Variants in HEMK2 observed in about 807,000 individuals in gnomAD.
HEMK2 encodes methyltransferase HEMK2.
chr21:28,775,179 C>T, the HEMK2 span, among the ~76,000 whole-genome samples: 1 of 152,116 alleles, frequency 6.6e-6, no homozygotes, highest in Non-Finnish European at 1.5e-5. Context: ...AAATCAAAGC[C>T]ATGATTTATG....
the HEMK2 span, among the ~76,000 whole-genome samples, chr21:28,793,608 G>C: frequency 6.6e-6 from 1 of 152,154 alleles, no homozygotes; most frequent in African/African-American, 2.4e-5. Context: ...TGAGGTGAGT[G>C]GTGGTCCCTG....
At chr21:28,598,515 C>T in the HEMK2 span, among the ~76,000 whole-genome samples, 1 of 152,192 alleles carries the variant, frequency 6.6e-6, no homozygotes, top group Non-Finnish European at 1.5e-5. Context: ...CCATGCAACT[C>T]CCCTGTGAAG....
chr21:28,868,128 T>C, the HEMK2 span, among the ~76,000 whole-genome samples: 220 of 152,326 alleles, frequency 1.4e-3, no homozygotes, highest in African/African-American at 5.1e-3. Context: ...TTATTTATCT[T>C]TGGGTCAATA....
the HEMK2 span, among the ~76,000 whole-genome samples, chr21:28,633,060 T>C: frequency 3.3e-5 from 5 of 152,196 alleles, no homozygotes; most frequent in African/African-American, 1.2e-4. Context: ...AGCTTTTCTC[T>C]AAAACCAGCC....
At chr21:28,778,197 T>C in the HEMK2 span, among the ~76,000 whole-genome samples, 11 of 152,232 alleles carry the variant, frequency 7.2e-5, 1 homozygote, top group East Asian at 1.3e-3. Context: ...CAAAATGTTA[T>C]ATAAGTGGGA....
chr21:28,673,000 GAGAAAGAA>G, the HEMK2 span, among the ~76,000 whole-genome samples: 6,972 of 145,474 alleles, frequency 0.048, 250 homozygotes, highest in South Asian at 0.12. Context: ...GAAAAAGAAA[GAGAAAGAA>G]AGAAAGAAAG....
chr21:28,613,910 A>G, the HEMK2 span, among the ~76,000 whole-genome samples: 1 of 146,766 alleles, frequency 6.8e-6, no homozygotes, highest in African/African-American at 2.5e-5. Context: ...ATAAAAGTGC[A>G]CTTTCTTCAG....
chr21:28,776,688 G>A, the HEMK2 span, among the ~76,000 whole-genome samples: 1 of 152,184 alleles, frequency 6.6e-6, no homozygotes, highest in Non-Finnish European at 1.5e-5. Context: ...TTCAGTCTGT[G>A]GCTAAAGGCC....
At chr21:28,831,455 A>AAAGAAAGAAAGAAAAGAAAAGAAAGAAAG in the HEMK2 span, among the ~76,000 whole-genome samples, 6 of 57,040 alleles carry the variant, frequency 1.1e-4, no homozygotes, top group African/African-American at 5.9e-4. Context: ...AAAAAGAAAG[A>AAAGAAAGAAAGAAAAGAAAAGAAAGAAAG]AAAGAACGAA....
chr21:28,721,565 T>C, the HEMK2 span, among the ~76,000 whole-genome samples: 3 of 152,186 alleles, frequency 2.0e-5, no homozygotes, highest in Non-Finnish European at 2.9e-5. Flanking sequence ...GTGTTTGTAT[T>C]AGACAGTGCT....
At chr21:28,668,864 G>C in the HEMK2 span, among the ~76,000 whole-genome samples, 2 of 152,178 alleles carry the variant, frequency 1.3e-5, no homozygotes, top group African/African-American at 4.8e-5. Context: ...TAATGCATTT[G>C]AGGATGGGAC....
chr21:28,655,724 G>A, the HEMK2 span, among the ~76,000 whole-genome samples: 1 of 151,994 alleles, frequency 6.6e-6, no homozygotes, highest in African/African-American at 2.4e-5. Context: ...CTCATGGTAC[G>A]CTCCAAGTCA....
At chr21:28,860,009 G>A in the HEMK2 span, among the ~76,000 whole-genome samples, 1 of 152,320 alleles carries the variant, frequency 6.6e-6, no homozygotes, top group Admixed American at 6.5e-5. Flanking sequence ...TGAAGATAAT[G>A]CATGATCTCA....
the HEMK2 span, among the ~76,000 whole-genome samples, chr21:28,865,294 T>C: frequency 6.6e-6 from 1 of 152,148 alleles, no homozygotes; most frequent in Non-Finnish European, 1.5e-5. Flanking sequence ...GCCTCCCGAG[T>C]AGCTGAGATT....
chr21:28,687,380 G>C, the HEMK2 span, among the ~76,000 whole-genome samples: 1 of 152,154 alleles, frequency 6.6e-6, no homozygotes, highest in Non-Finnish European at 1.5e-5. Context: ...GATTGACTTA[G>C]GTCACATTTC....
chr21:28,701,546 C>A, the HEMK2 span, among the ~76,000 whole-genome samples: 4 of 119,868 alleles, frequency 3.3e-5, no homozygotes, highest in African/African-American at 1.5e-4. Context: ...TTCACAATAG[C>A]CACACACACA....
chr21:28,807,750 A>T, the HEMK2 span, among the ~76,000 whole-genome samples: 1 of 152,218 alleles, frequency 6.6e-6, no homozygotes, highest in East Asian at 1.9e-4. Context: ...AAAGATCTGG[A>T]TGGCATACCA....
the HEMK2 span, among the ~76,000 whole-genome samples, chr21:28,620,120 A>G: frequency 6.6e-6 from 1 of 152,128 alleles, no homozygotes; most frequent in Non-Finnish European, 1.5e-5. Flanking sequence ...TTGCATGCCA[A>G]CTTGATCCTG....
the HEMK2 span, among the ~76,000 whole-genome samples, chr21:28,748,738 G>T: frequency 2.6e-5 from 4 of 152,082 alleles, no homozygotes; most frequent in Non-Finnish European, 5.9e-5. Flanking sequence ...TTAAAAATTG[G>T]TTCATCTTTC....
Sources: gnomAD v4.1 joint callset for allele counts (sites outside exome capture counted in the v4.1 genomes callset) on GRCh38, gnomAD v4.1.1 for gene constraint, MANE v1.5 for transcripts, NCBI Gene and HGNC (gene_info 2026-07-23, HGNC 2026-07-21) for gene names.